Variants in ZC3HAV1L observed in about 807,000 individuals in gnomAD.
ZC3HAV1L encodes ZC3HAV1 like, also known as zinc finger CCCH-type antiviral protein 1-like.
In ZC3HAV1L, 23 loss-of-function variants were observed where a neutral mutation model predicts 28.2. The observed-to-expected ratio is 0.82, with a 90% CI of 0.59 to 1.16. ZC3HAV1L has a LOEUF of 1.16. Ranked by LOEUF, ZC3HAV1L falls within the 50% of genes most tolerant of loss-of-function variation. ZC3HAV1L has a pLI of 0.00. For missense variants in ZC3HAV1L, 376 were observed against 387.7 expected (o/e 0.97, Z 0.25); for synonymous variants, 180 against 163.4 (o/e 1.10, Z -0.78).
intron 2 of ZC3HAV1L, 23 bp from the exon 3 acceptor site, chr7:139,028,983 C>T (rs768906830): frequency 6.3e-7 from 1 of 1,593,842 alleles, no homozygotes; most frequent in Non-Finnish European, 8.6e-7. Context: ...TGAGGGAACA[C>T]CTGAAATATT....
At chr7:139,028,243 C>T (rs1456902988) in intron 3 of ZC3HAV1L, among the ~76,000 whole-genome samples, 1 of 151,934 alleles carries the variant, frequency 6.6e-6, no homozygotes, top group Non-Finnish European at 1.5e-5. Flanking sequence ...CATGGTGGCG[C>T]ATGCCTGTAG....
intron 3 of ZC3HAV1L, 58 bp downstream of exon 3, chr7:139,028,644 G>C: frequency 6.4e-7 from 1 of 1,569,890 alleles, no homozygotes; most frequent in Non-Finnish European, 8.6e-7. Context: ...CTTCTTCACA[G>C]TGAAGCATCG....
chr7:139,022,262 G>C (rs187364761), downstream of ZC3HAV1L: 2 of 181,498 alleles, frequency 1.1e-5, no homozygotes, highest in Non-Finnish European at 2.4e-5. Flanking sequence ...GAAAAAATAT[G>C]GTTAGGCATA....
At position 139,033,899 on chromosome 7, in the gene ZC3HAV1L, G is replaced by A. The variant is rs1041498753; in HGVS notation, c.501+644C>T. ...TCAGCTACTGCTTGCATCTACTTTG[G>A]GCAACATGGTTGGTTGGAATGCCTC... On this transcript the variant is annotated intron_variant, in intron 2 of 4. Coordinates refer to ENST00000275766, the MANE Select transcript of ZC3HAV1L (RefSeq NM_080660.4). The A allele has an allele frequency of 3.0e-6, 3 of 985,216 alleles. No individual in the cohort carries two copies. In the African/African-American group the frequency reaches 5.2e-5, roughly 17 times the overall value. The allele number at this position is 985,216 out of a possible 1,614,324, so 61.0% of individuals were successfully genotyped here.
chr7:139,031,967 C>T (rs932369097), intron 2 of ZC3HAV1L, among the ~76,000 whole-genome samples: 1 of 151,814 alleles, frequency 6.6e-6, no homozygotes, highest in South Asian at 2.1e-4. Context: ...CCCAGCTACT[C>T]GAGAGGCTGA....
intron 2 of ZC3HAV1L, among the ~76,000 whole-genome samples, chr7:139,032,604 T>TA (rs938623694): frequency 3.4e-5 from 5 of 147,364 alleles, no homozygotes; most frequent in Non-Finnish European, 6.0e-5. Flanking sequence ...GCCTGGGTGA[T>TA]AGAGTGAGAC....
At chr7:139,031,697 G>A (rs745898450) in intron 2 of ZC3HAV1L, among the ~76,000 whole-genome samples, 8 of 152,190 alleles carry the variant, frequency 5.3e-5, no homozygotes, top group Non-Finnish European at 7.3e-5. Flanking sequence ...TTGAGGTCAA[G>A]AGTTCAAGGC....
Position 139,034,449 on chromosome 7 carries a change from G to A in ZC3HAV1L, c.501+94C>T, listed in dbSNP as rs1372374928. On this transcript the variant is annotated intron_variant, in intron 2 of 4. Coordinates refer to ENST00000275766, the MANE Select transcript of ZC3HAV1L (RefSeq NM_080660.4). The stretch of plus-strand genomic sequence containing the variant: ...TGAAACTGAATCATGTTGCTTCGAA[G>A]GCAATTAAAATTAATATGTAAAGCC... 1.2e-5 allele frequency: 4 copies of A among 331,282 alleles called. No homozygotes were observed. The African/African-American group carries it at 7.5e-4, about 62-fold the overall frequency. 20.5% of individuals were successfully genotyped at this position (331,282 alleles called of 1,614,324 possible). A position where few individuals can be genotyped will look rare whatever the true frequency, so the allele number is the denominator to read the frequency against.
chr7:139,030,513 C>T (rs547940092), intron 2 of ZC3HAV1L, among the ~76,000 whole-genome samples: 98 of 151,866 alleles, frequency 6.5e-4, no homozygotes, highest in Admixed American at 2.0e-3. Flanking sequence ...CCAGCCTGGG[C>T]GACAGAGCGA....
intron 2 of ZC3HAV1L, among the ~76,000 whole-genome samples, chr7:139,031,445 G>A (rs1202720067): frequency 6.6e-6 from 1 of 152,138 alleles, no homozygotes; most frequent in East Asian, 1.9e-4. Context: ...AATTAACTAG[G>A]CATGGTGGCA....
At chr7:139,034,981 C>G (rs971393230) in intron 1 of ZC3HAV1L, 5 of 985,342 alleles carry the variant, frequency 5.1e-6, no homozygotes, top group African/African-American at 1.7e-5. Flanking sequence ...CCGGCAACAG[C>G]TGCCACAGTC....
chr7:139,035,256 G>A (rs1178999825), intron 1 of ZC3HAV1L: 1 of 985,312 alleles, frequency 1.0e-6, no homozygotes, highest in East Asian at 1.1e-4. Flanking sequence ...GGGGAGCAGC[G>A]ATTTCCGGCT....
At chr7:139,030,600 G>A (rs956588259) in intron 2 of ZC3HAV1L, among the ~76,000 whole-genome samples, 13 of 151,586 alleles carry the variant, frequency 8.6e-5, no homozygotes, top group African/African-American at 1.9e-4. Flanking sequence ...AGGCCAAGGT[G>A]GGTGGATCAA....
intron 4 of ZC3HAV1L, 72 bp from the exon 5 acceptor site, chr7:139,026,632 A>T: frequency 6.2e-7 from 1 of 1,612,880 alleles, no homozygotes; most frequent in East Asian, 2.2e-5. Context: ...AATTAAAGCT[A>T]AACAGAAGGC....
rs1815367346 is a variant in ZC3HAV1L at position 139,026,827 on chromosome 7, GAATTATCTACA to G, written c.761-5_766del. 1.2e-6 allele frequency: 2 copies of G among 1,610,964 alleles called. No homozygotes were observed. The highest frequency in any genetic ancestry group is 3.4e-5 in the Admixed American group (2 of 59,536). On this transcript the variant is annotated splice_acceptor_variant and splice_polypyrimidine_tract_variant and coding_sequence_variant and intron_variant, in exon 4 of 5. Transcript: ENST00000275766. LOFTEE classifies it high-confidence loss of function. Reference sequence around the variant, plus strand: ...TTGTGAATGCTCAGTCGAAGGTGATGAATTATCTACAAAGAGGAAAGGGATAAGTTTTCCTA... The same window carrying G: ...TTGTGAATGCTCAGTCGAAGGTGATGAAGAGGAAAGGGATAAGTTTTCCTA...
At position 139,033,611 on chromosome 7, in the gene ZC3HAV1L, C is replaced by T. The variant is rs988280660; in HGVS notation, c.501+932G>A. Among the ~76,000 whole-genome samples, 6 of 152,196 alleles carry T rather than the reference C, an allele frequency of 3.9e-5. 1 individual carries two copies. The highest frequency in any genetic ancestry group is 3.9e-4 in the Admixed American group (6 of 15,274). On this transcript the variant is annotated intron_variant, in intron 2 of 4. Coordinates refer to ENST00000275766, the MANE Select transcript of ZC3HAV1L (RefSeq NM_080660.4). ...GGCTCCTGTTGTAAGTGCAGCCAACCCATCAGCTGCTCACAAAACACTGAA... is the reference window on the plus strand; with the variant it reads ...GGCTCCTGTTGTAAGTGCAGCCAACTCATCAGCTGCTCACAAAACACTGAA...
intron 2 of ZC3HAV1L, among the ~76,000 whole-genome samples, chr7:139,030,979 A>G (rs1159867208): frequency 1.3e-5 from 2 of 152,172 alleles, no homozygotes; most frequent in East Asian, 3.8e-4. Flanking sequence ...GACACAGATG[A>G]CCTGGTTTAA....
At chr7:139,025,225 G>A (rs1455374802), downstream of ZC3HAV1L, among the ~76,000 whole-genome samples, 2 of 152,176 alleles carry the variant, frequency 1.3e-5, no homozygotes, top group Non-Finnish European at 2.9e-5. Flanking sequence ...GAGGCAGGCA[G>A]ATCACCTGAG....
At chr7:139,025,327 A>C (rs1200537690), downstream of ZC3HAV1L, among the ~76,000 whole-genome samples, 2 of 152,164 alleles carry the variant, frequency 1.3e-5, no homozygotes, top group African/African-American at 4.8e-5. Context: ...TCATGCCTGT[A>C]ACCTCAGCTA....
Sources: allele counts gnomAD v4.1 joint callset (sites outside exome capture counted in the v4.1 genomes callset), GRCh38; gene constraint gnomAD v4.1.1; transcripts MANE v1.5; gene names NCBI Gene and HGNC (gene_info 2026-07-23, HGNC 2026-07-21).